NUP155: variants seen among roughly 807,000 people sequenced by gnomAD.
NUP155 encodes the protein nucleoporin 155.
Under a neutral mutation model 180.4 loss-of-function variants are expected in NUP155, and 71 were observed. That is an observed-to-expected ratio of 0.39 (90% CI 0.33 to 0.48). The LOEUF is 0.48. NUP155 is among the 20% of genes least tolerant of loss of function. The pLI is 0.91. For synonymous variants in NUP155, 582 were observed against 559.5 expected (o/e 1.04, Z -0.57); for missense variants, 1,553 against 1,648.9 (o/e 0.94, Z 1.01).
intron 32 of NUP155, among the ~76,000 whole-genome samples, chr5:37,295,282 C>A (rs955491771): frequency 1.3e-5 from 2 of 152,164 alleles, no homozygotes; most frequent in Admixed American, 6.5e-5. Context: ...CTCCTAACCG[C>A]GAGTGATCCG....
Position 37,292,985 on chromosome 5 carries a change from C to T in NUP155, c.3931G>A (p.Asp1311Asn). ...TTCTTCATTCTGTTCCAGAATGGAT[C>T]CTATGAAGAAATATACATAATGAAA... ...EVYDQLFKSR[D>N]PFWNRMKKPL... is the part of the protein sequence containing the mutation. The change falls in exon 34 of 35, where the codon GAT becomes AAT. Residue 1311 changes from aspartate to asparagine, a missense_variant and splice_region_variant. Physicochemically the swap from Asp to Asn is conservative, Grantham distance 23. Coordinates refer to ENST00000231498, the MANE Select transcript of NUP155 (RefSeq NM_153485.3). The T allele has an allele frequency of 6.3e-7, 1 of 1,575,700 alleles. No individual in the cohort carries two copies. Among genetic ancestry groups the T allele is most frequent in the Non-Finnish European group, 8.7e-7 (1 of 1,145,474 alleles).
At chr5:37,331,927 T>A in intron 13 of NUP155, 132 bp from the exon 14 acceptor site, 1 of 667,592 alleles carries the variant, frequency 1.5e-6, no homozygotes, top group South Asian at 1.6e-5. Context: ...GTAGGCTGGG[T>A]ATGGTGGCCC....
chr5:37,316,066 C>T (rs1390848870), intron 21 of NUP155, among the ~76,000 whole-genome samples: 1 of 152,126 alleles, frequency 6.6e-6, no homozygotes, highest in Non-Finnish European at 1.5e-5. Flanking sequence ...TGGGTATATA[C>T]CCAAAAGAAC....
chr5:37,358,746 C>T (rs1581210765), intron 3 of NUP155, among the ~76,000 whole-genome samples: 1 of 152,126 alleles, frequency 6.6e-6, no homozygotes, highest in Non-Finnish European at 1.5e-5. Context: ...TGGGTGGGCA[C>T]AGTGGCTCAC....
chr5:37,338,942 T>C (rs1436419103), intron 11 of NUP155, among the ~76,000 whole-genome samples: 1 of 152,086 alleles, frequency 6.6e-6, no homozygotes, highest in African/African-American at 2.4e-5. Flanking sequence ...AAAAATGCCA[T>C]GACTGACAAA....
intron 6 of NUP155, among the ~76,000 whole-genome samples, chr5:37,350,744 A>C (rs1217226965): frequency 6.6e-6 from 1 of 151,024 alleles, no homozygotes; most frequent in East Asian, 2.0e-4. Context: ...TGGAGGTTGC[A>C]GTGAGCTAAG....
chr5:37,367,625 C>T (rs217843), intron 1 of NUP155, among the ~76,000 whole-genome samples: 73,149 of 149,972 alleles, frequency 0.49, 20,605 homozygotes, highest in Non-Finnish European at 0.62. Flanking sequence ...CTCCGCCTCC[C>T]GGGTTCACAC....
At chr5:37,335,847 C>T (rs922024733) in intron 12 of NUP155, among the ~76,000 whole-genome samples, 1 of 151,370 alleles carries the variant, frequency 6.6e-6, no homozygotes, top group African/African-American at 2.4e-5. Context: ...AGCTACATGG[C>T]GGGGAGGGGG....
chr5:37,363,790 G>A (rs1172416483), intron 3 of NUP155, 98 bp downstream of exon 3: 2 of 818,138 alleles, frequency 2.4e-6, no homozygotes, highest in Non-Finnish European at 4.3e-6. Context: ...CTAGATGAAT[G>A]AAAGATAAAC....
intron 3 of NUP155, among the ~76,000 whole-genome samples, chr5:37,362,925 G>A (rs1234596026): frequency 1.3e-5 from 2 of 151,962 alleles, no homozygotes; most frequent in Non-Finnish European, 2.9e-5. Context: ...TGTTGTTGTT[G>A]TTTCTGAGAT....
At chr5:37,300,025 C>CA (rs34593365) in intron 30 of NUP155, among the ~76,000 whole-genome samples, 3,317 of 87,716 alleles carry the variant, frequency 0.038, 68 homozygotes, top group African/African-American at 0.081. Context: ...CTCCCCCCGC[C>CA]AAAAAAAAAA....
Position 37,330,065 on chromosome 5 carries a change from G to T in NUP155, c.1697C>A (p.Ser566Tyr). ...CSTAACDREV[S>Y]AWATRAFFRY... Reference sequence around the variant, plus strand: ...AAAGAAAGCCCGAGTAGCCCAGGCAGATACTTCTCTATCACAGGCAGCAGT... The same window carrying T: ...AAAGAAAGCCCGAGTAGCCCAGGCATATACTTCTCTATCACAGGCAGCAGT... Residue 566 changes from serine (S) to tyrosine (Y), a missense_variant, in exon 15 of 35, where the codon TCT becomes TAT. Transcript: ENST00000231498. 6.2e-7 allele frequency: 1 copy of T among 1,613,654 alleles called. No individual in the cohort carries two copies. Among genetic ancestry groups the T allele is most frequent in the Non-Finnish European group, 8.5e-7 (1 of 1,179,718 alleles).
In NUP155 at chr5:37,291,672, A is replaced by G. The variant is rs1742238959; in HGVS notation, c.*228T>C. On this transcript the variant is annotated 3_prime_UTR_variant, in exon 35 of 35. Coordinates refer to ENST00000231498, the MANE Select transcript of NUP155 (RefSeq NM_153485.3). ...TTTTTTTAATCCTTATGTTAAAATAATAAATAATCTCATTTCAGTTGTTTT... is the reference window on the plus strand; with the variant it reads ...TTTTTTTAATCCTTATGTTAAAATAGTAAATAATCTCATTTCAGTTGTTTT... The G allele has an allele frequency of 2.5e-6, 1 of 404,570 alleles. No homozygotes were observed. The highest frequency in any genetic ancestry group is 4.4e-6 in the Non-Finnish European group (1 of 225,110). 25.1% of individuals were successfully genotyped at this position (404,570 alleles called of 1,614,324 possible).
At chr5:37,307,530 T>C in intron 24 of NUP155, 98 bp from the exon 25 acceptor site, 4 of 1,147,380 alleles carry the variant, frequency 3.5e-6, no homozygotes, top group Admixed American at 1.8e-5. Context: ...AGGTTATGTC[T>C]CTACTGTACA....
Position 37,358,021 on chromosome 5 carries a change from T to C in NUP155, c.463+60A>G, listed in dbSNP as rs189233464. The C allele has an allele frequency of 1.3e-5, 15 of 1,157,652 alleles. No individual in the cohort carries two copies. The East Asian group carries it at 3.5e-4, about 27-fold the overall frequency. 71.7% of individuals were successfully genotyped at this position (1,157,652 alleles called of 1,614,324 possible). On this transcript the variant is annotated intron_variant, in intron 4 of 34. Coordinates refer to ENST00000231498, the MANE Select transcript of NUP155 (RefSeq NM_153485.3). ...AAAAATGTGTGTTGTTGTTCAGGTC[T>C]ATACCATTTGGAGTTTACATATACA...
chr5:37,294,025 A>AAAAAAAAAAAAAAAAAAAT (rs1742383136), intron 33 of NUP155, among the ~76,000 whole-genome samples: 1 of 76,054 alleles, frequency 1.3e-5, no homozygotes, highest in Non-Finnish European at 2.1e-5. Context: ...AAAAAAAAAA[A>AAAAAAAAAAAAAAAAAAAT]AAATAAAGCA....
intron 3 of NUP155, 101 bp downstream of exon 3, chr5:37,363,783 GATGA>G (rs1747369573): frequency 2.6e-6 from 2 of 775,716 alleles, no homozygotes; most frequent in South Asian, 1.4e-5. Flanking sequence ...CCAAAGGCTA[GATGA>G]ATGAAAGATA....
rs1471132090 is a variant in NUP155, at chr5:37,329,211, A to G, written c.1792T>C (p.Leu598=). 1.9e-6 allele frequency: 3 copies of G among 1,613,564 alleles called. No individual in the cohort carries two copies. The highest frequency in any genetic ancestry group is 1.3e-5 in the African/African-American group (1 of 74,924). Reference sequence around the variant, plus strand: ...TCACTAGAATAGACAGGAGACCCCAAGATGGGACCAACATTACTTGGAGGC... The same window carrying G: ...TCACTAGAATAGACAGGAGACCCCAGGATGGGACCAACATTACTTGGAGGC... ...LPPPSNVGPI[L]GSPVYSSSPV... is the part of the protein sequence containing the mutation. The change falls in exon 16 of 35, where the codon TTG becomes CTG. Residue 598 remains leucine, a synonymous_variant. Coordinates refer to ENST00000231498, the MANE Select transcript of NUP155 (RefSeq NM_153485.3).
Position 37,291,037 on chromosome 5 carries a change from AGTT to A in NUP155, c.*860_*862del, listed in dbSNP as rs1742209622. ...GTGTAGGTTTTCAGGACACAACATT[AGTT>A]ACAAGTTTTATCACCTGCTCAACCA... is the stretch of plus-strand genomic sequence containing the variant. On this transcript the variant is annotated 3_prime_UTR_variant, in exon 35 of 35. Coordinates refer to ENST00000231498, the MANE Select transcript of NUP155 (RefSeq NM_153485.3). 1 of 152,188 alleles carries A rather than the reference AGTT, an allele frequency of 6.6e-6. No individual in the cohort carries two copies. The highest frequency in any genetic ancestry group is 2.4e-5 in the African/African-American group (1 of 41,446). The allele number at this position is 152,188 out of a possible 1,614,324, so 9.4% of individuals were successfully genotyped here.
Sources: gnomAD v4.1 joint callset for allele counts (sites outside exome capture counted in the v4.1 genomes callset) on GRCh38, gnomAD v4.1.1 for gene constraint, MANE v1.5 for transcripts, NCBI Gene and HGNC (gene_info 2026-07-23, HGNC 2026-07-21) for gene names.